PTPN13: variants seen among roughly 807,000 people sequenced by gnomAD.
The protein encoded by PTPN13 is protein tyrosine phosphatase non-receptor type 13.
PTPN13 carries 191 observed loss-of-function variants against 284.0 expected under a neutral mutation model. The ratio of observed to expected loss-of-function variants is 0.67; its 90% CI spans 0.60 to 0.76. The LOEUF (loss-of-function observed/expected upper bound fraction) is 0.76. PTPN13 is among the 30% of genes least tolerant of loss of function. PTPN13 has a pLI of 0.00. For synonymous variants in PTPN13, 986 were observed against 1,022.3 expected (o/e 0.96, Z 0.68); for missense variants, 2,797 against 2,939.9 (o/e 0.95, Z 1.12).
intron 2 of PTPN13, among the ~76,000 whole-genome samples, chr4:86,656,507 C>G (rs1023254211): frequency 6.6e-6 from 1 of 152,202 alleles, no homozygotes; most frequent in Non-Finnish European, 1.5e-5. Context: ...TGGAAGTCCA[C>G]TCCAGACCCT....
intron 17 of PTPN13, 146 bp downstream of exon 17, chr4:86,745,274 C>T: frequency 1.3e-6 from 1 of 759,464 alleles, no homozygotes; most frequent in South Asian, 2.4e-5. Context: ...AAAGGTGTTA[C>T]AAGTGAAGCC....
At chr4:86,683,764 A>G (rs1312423303) in intron 3 of PTPN13, among the ~76,000 whole-genome samples, 2 of 152,248 alleles carry the variant, frequency 1.3e-5, no homozygotes, top group African/African-American at 2.4e-5. Flanking sequence ...ATTAACATAT[A>G]GTAACTCACT....
intron 36 of PTPN13, among the ~76,000 whole-genome samples, chr4:86,781,279 T>C (rs1208893133): frequency 6.6e-6 from 1 of 150,656 alleles, no homozygotes; most frequent in African/African-American, 2.4e-5. Context: ...TGTTTTGTTA[T>C]AAAGTTTTCC....
At chr4:86,636,776 G>A (rs1451308817) in intron 2 of PTPN13, among the ~76,000 whole-genome samples, 1 of 152,034 alleles carries the variant, frequency 6.6e-6, no homozygotes, top group Non-Finnish European at 1.5e-5. Flanking sequence ...AACTAGAAAA[G>A]CAAGAACAAA....
intron 38 of PTPN13, among the ~76,000 whole-genome samples, chr4:86,785,009 T>A (rs1229054720): frequency 6.6e-6 from 1 of 152,148 alleles, no homozygotes; most frequent in Non-Finnish European, 1.5e-5. Context: ...GTTTATTCTT[T>A]GTAATTTGCA....
At chr4:86,719,766 A>G (rs1171008384) in intron 9 of PTPN13, among the ~76,000 whole-genome samples, 2 of 152,100 alleles carry the variant, frequency 1.3e-5, no homozygotes, top group South Asian at 2.1e-4. Context: ...CTGCATGTAT[A>G]TCTTCTTTTA....
intron 40 of PTPN13, among the ~76,000 whole-genome samples, chr4:86,793,801 A>G (rs1742977465): frequency 6.6e-6 from 1 of 152,244 alleles, no homozygotes; most frequent in Admixed American, 6.5e-5. Context: ...GTCCTTTGAA[A>G]CCAATGAGAA....
chr4:86,722,463 C>T (rs1733781189), intron 10 of PTPN13, 29 bp downstream of exon 10: 1 of 1,562,150 alleles, frequency 6.4e-7, no homozygotes, highest in Non-Finnish European at 8.8e-7. Flanking sequence ...TACTACACAT[C>T]TAAACCTGCT....
At chr4:86,619,614 T>C (rs1272360797) in intron 1 of PTPN13, among the ~76,000 whole-genome samples, 1 of 152,218 alleles carries the variant, frequency 6.6e-6, no homozygotes, top group Non-Finnish European at 1.5e-5. Flanking sequence ...TCTATATTTC[T>C]AAATGTTTTC....
At position 86,762,680 on chromosome 4, in the gene PTPN13, C is replaced by T. The variant is rs9307021; in HGVS notation, c.3554-47C>T. ...GAAACATTGTGTATGTGTGTAAGCACGTGTATCACTAACTTGTTACTCTCA... is the reference window on the plus strand; with the variant it reads ...GAAACATTGTGTATGTGTGTAAGCATGTGTATCACTAACTTGTTACTCTCA... On this transcript the variant is annotated intron_variant, in intron 23 of 47. Transcript: ENST00000411767. 6.7e-4 allele frequency: 918 copies of T among 1,372,970 alleles called. 6 individuals carry two copies. In the African/African-American group the frequency reaches 0.012, roughly 17 times the overall value. The allele number at this position is 1,372,970 out of a possible 1,614,324, so 85.0% of individuals were successfully genotyped here.
At chr4:86,767,319 C>A (rs1739446311) in intron 27 of PTPN13, among the ~76,000 whole-genome samples, 1 of 151,358 alleles carries the variant, frequency 6.6e-6, no homozygotes. Context: ...GACCTCGGCT[C>A]ATTGCAACCT....
intron 15 of PTPN13, among the ~76,000 whole-genome samples, chr4:86,740,000 A>C (rs1308177445): frequency 6.6e-6 from 1 of 152,202 alleles, no homozygotes; most frequent in Admixed American, 6.5e-5. Flanking sequence ...TGGGCTCCCA[A>C]GGTCTTGGGC....
rs375283071 is a variant in PTPN13, at chr4:86,769,466, A to G, written c.4490-303A>G. ...TAGGCATGAGCCACTGTGCCTGACC[A>G]TAGTGTCTTTTAAAACACACAAGTT... is the stretch of plus-strand genomic sequence containing the variant. On this transcript the variant is annotated intron_variant, in intron 28 of 47. Transcript: ENST00000411767. Among the ~76,000 whole-genome samples the G allele has an allele frequency of 3.3e-5, 5 of 152,278 alleles. No homozygotes were observed. In the South Asian group the frequency reaches 8.3e-4, roughly 25 times the overall value.
At chr4:86,624,784 A>G (rs1721646073) in intron 1 of PTPN13, among the ~76,000 whole-genome samples, 1 of 152,146 alleles carries the variant, frequency 6.6e-6, no homozygotes, top group Non-Finnish European at 1.5e-5. Context: ...GTGAATAGCC[A>G]CTGTACTCCA....
intron 3 of PTPN13, among the ~76,000 whole-genome samples, chr4:86,686,217 T>C (rs2148948106): frequency 6.6e-6 from 1 of 152,166 alleles, no homozygotes; most frequent in African/African-American, 2.4e-5. Flanking sequence ...GAAAAATTAG[T>C]CAGGCATGGT....
chr4:86,764,841 A>G (rs999227223), intron 25 of PTPN13, 117 bp downstream of exon 25: 9 of 1,158,604 alleles, frequency 7.8e-6, no homozygotes, highest in Admixed American at 7.4e-5. Flanking sequence ...AATACCTCCA[A>G]AATTCTAAAA....
chr4:86,613,313 T>G (rs1720139684), intron 1 of PTPN13, among the ~76,000 whole-genome samples: 1 of 152,190 alleles, frequency 6.6e-6, no homozygotes, highest in Non-Finnish European at 1.5e-5. Flanking sequence ...ACAAATAGTT[T>G]AGACACACAG....
At position 86,741,787 on chromosome 4, in the gene PTPN13, T is replaced by G. The variant is rs1297990239; in HGVS notation, c.2458T>G (p.Trp820Gly). 6.2e-7 allele frequency: 1 copy of G among 1,609,518 alleles called. No individual in the cohort carries two copies. Among genetic ancestry groups the G allele is most frequent in the Non-Finnish European group, 8.5e-7 (1 of 1,177,646 alleles). Residue 820 changes from tryptophan to glycine, a missense_variant, in exon 16 of 48, where the codon TGG becomes GGG. Coordinates refer to ENST00000411767, the MANE Select transcript of PTPN13 (RefSeq NM_080683.3). ...GVRTLVLRFP[W>G]RETKKISFSK... ...GCGCACATTGGTCCTTCGCTTTCCA[T>G]GGAGGGAAACCAAGAAAATATCTTT...
intron 35 of PTPN13, among the ~76,000 whole-genome samples, chr4:86,779,366 G>C (rs921363607): frequency 4.6e-5 from 7 of 150,592 alleles, no homozygotes; most frequent in Non-Finnish European, 1.0e-4. Flanking sequence ...GCAGTGAGCC[G>C]AGATAGCGCC....
Sources: gnomAD v4.1 joint callset for allele counts (sites outside exome capture counted in the v4.1 genomes callset) on GRCh38, gnomAD v4.1.1 for gene constraint, MANE v1.5 for transcripts, NCBI Gene and HGNC (gene_info 2026-07-23, HGNC 2026-07-21) for gene names.